LRRC4C: variants seen among roughly 807,000 people sequenced by gnomAD.
The protein encoded by LRRC4C is leucine-rich repeat-containing protein 4C.
A neutral mutation model predicts 33.6 loss-of-function variants in LRRC4C; 5 were observed. The ratio of observed to expected loss-of-function variants is 0.15; its 90% confidence interval spans 0.08 to 0.31. The LOEUF (loss-of-function observed/expected upper bound fraction) is 0.31, where lower values mean the gene tolerates loss of function less well. Among genes scored for constraint, LRRC4C ranks in the 10% least tolerant of loss-of-function variants. LRRC4C has a pLI of 1.00. For missense variants in LRRC4C, 560 were observed against 796.7 expected, an observed-to-expected ratio of 0.70 and a Z score of 3.58; for synonymous variants, 329 against 302.0, an observed-to-expected ratio of 1.09 and a Z score of -0.93.
chr11:40,158,009 A>T (rs1486189415), intron 5 of LRRC4C, among the ~76,000 whole-genome samples: 2 of 152,230 alleles, frequency 1.3e-5, no homozygotes, highest in African/African-American at 4.8e-5. Flanking sequence ...TCATGAAACC[A>T]ACCCAAATGC....
At chr11:40,132,265 A>C (rs1856694855) in intron 6 of LRRC4C, among the ~76,000 whole-genome samples, 1 of 152,192 alleles carries the variant, frequency 6.6e-6, no homozygotes, top group South Asian at 2.1e-4. Flanking sequence ...ACCAAAATCA[A>C]ATTTCTGAGA....
chr11:40,414,713 G>A (rs764922149), intron 3 of LRRC4C, among the ~76,000 whole-genome samples: 1 of 152,014 alleles, frequency 6.6e-6, no homozygotes, highest in Non-Finnish European at 1.5e-5. Flanking sequence ...TGATTCATGT[G>A]AAACTCTATT....
intron 1 of LRRC4C, among the ~76,000 whole-genome samples, chr11:41,428,096 G>C (rs1044237713): frequency 6.6e-6 from 1 of 152,130 alleles, no homozygotes; most frequent in Non-Finnish European, 1.5e-5. Context: ...AAGCCTGTTT[G>C]GTGGTCTCTT....
At position 41,041,077 on chromosome 11, in the gene LRRC4C, T is replaced by C. The variant is rs191295350; in HGVS notation, c.-495-107354A>G. The stretch of plus-strand genomic sequence containing the variant: ...CAAGAGGTCACCTGCAAAAGGATAA[T>C]TTTAACTATGTTTTTAAGAAAGGAG... On this transcript the variant is annotated intron_variant, in intron 1 of 6. Coordinates refer to ENST00000528697, the MANE Select transcript of LRRC4C (RefSeq NM_001258419.2). Among the ~76,000 whole-genome samples, 503 of 152,318 alleles carry C rather than the reference T, an allele frequency of 3.3e-3. 2 individuals are homozygous for C. Among genetic ancestry groups the C allele is most frequent in the African/African-American group, 0.011 (461 of 41,570 alleles).
intron 3 of LRRC4C, among the ~76,000 whole-genome samples, chr11:40,612,337 T>A (rs1317611470): frequency 1.3e-5 from 2 of 151,810 alleles, no homozygotes; most frequent in Non-Finnish European, 2.9e-5. Flanking sequence ...GTAAAGAAAG[T>A]AAATTCATAG....
chr11:40,269,664 C>G (rs573390722), intron 4 of LRRC4C, among the ~76,000 whole-genome samples: 2 of 152,208 alleles, frequency 1.3e-5, no homozygotes, highest in South Asian at 4.1e-4. Flanking sequence ...TTCTGTTTCA[C>G]TATTATATTA....
intron 1 of LRRC4C, among the ~76,000 whole-genome samples, chr11:41,387,193 G>A (rs1263063240): frequency 1.5e-5 from 2 of 131,862 alleles, no homozygotes; most frequent in Non-Finnish European, 3.4e-5. Context: ...TAGGCAATGA[G>A]GAGATGATAA....
At chr11:40,516,957 G>A (rs890984921) in intron 3 of LRRC4C, among the ~76,000 whole-genome samples, 3 of 152,138 alleles carry the variant, frequency 2.0e-5, no homozygotes, top group African/African-American at 2.4e-5. Flanking sequence ...GGGCATTGCC[G>A]CTTATATAGG....
At chr11:41,033,169 A>C (rs2137846395) in intron 1 of LRRC4C, among the ~76,000 whole-genome samples, 1 of 152,078 alleles carries the variant, frequency 6.6e-6, no homozygotes, top group South Asian at 2.1e-4. Flanking sequence ...AGGCTCCTCA[A>C]GGGGAATATT....
intron 4 of LRRC4C, among the ~76,000 whole-genome samples, chr11:40,286,145 A>G (rs999040613): frequency 5.3e-5 from 8 of 152,162 alleles, no homozygotes; most frequent in African/African-American, 1.9e-4. Flanking sequence ...CAAACCCTAC[A>G]TAAACTATCA....
At chr11:40,938,222 A>G (rs1957990586) in intron 1 of LRRC4C, among the ~76,000 whole-genome samples, 1 of 152,154 alleles carries the variant, frequency 6.6e-6, no homozygotes, top group African/African-American at 2.4e-5. Flanking sequence ...CTCCTGATAA[A>G]CAGCTATTCT....
chr11:40,667,248 G>C (rs1565617003), intron 2 of LRRC4C, among the ~76,000 whole-genome samples: 1 of 152,264 alleles, frequency 6.6e-6, no homozygotes, highest in East Asian at 1.9e-4. Flanking sequence ...ATTCTATGAG[G>C]AGCTCAATTA....
chr11:41,358,930 T>C (rs770040128), intron 1 of LRRC4C, among the ~76,000 whole-genome samples: 1 of 152,228 alleles, frequency 6.6e-6, no homozygotes, highest in Non-Finnish European at 1.5e-5. Context: ...TGAATGTTAT[T>C]ATAAACTTTA....
chr11:41,196,567 C>T lies in LRRC4C; in HGVS notation c.-495-262844G>A, dbSNP rs188518123. Among the ~76,000 whole-genome samples the T allele has an allele frequency of 2.7e-3, 409 of 152,084 alleles. 3 individuals carry two copies. The highest frequency in any genetic ancestry group is 9.4e-3 in the African/African-American group (389 of 41,520). ...CTTGATCACTGATAGTTACCAAATACTTATGAAAGATATTAATTTGGGCAG... is the reference window on the plus strand; with the variant it reads ...CTTGATCACTGATAGTTACCAAATATTTATGAAAGATATTAATTTGGGCAG... On this transcript the variant is annotated intron_variant, in intron 1 of 6. Coordinates refer to ENST00000528697, the MANE Select transcript of LRRC4C (RefSeq NM_001258419.2).
At chr11:40,685,506 G>A (rs1262418165) in intron 2 of LRRC4C, among the ~76,000 whole-genome samples, 1 of 151,702 alleles carries the variant, frequency 6.6e-6, no homozygotes, top group African/African-American at 2.4e-5. Flanking sequence ...GAAAATTTAA[G>A]AAAACAACAA....
chr11:40,607,018 A>G (rs1960683768), intron 3 of LRRC4C, among the ~76,000 whole-genome samples: 1 of 152,190 alleles, frequency 6.6e-6, no homozygotes, highest in Non-Finnish European at 1.5e-5. Context: ...TGAATTTCTC[A>G]TCAGAAACTT....
intron 1 of LRRC4C, among the ~76,000 whole-genome samples, chr11:41,056,926 G>A (rs985430373): frequency 6.6e-6 from 1 of 152,156 alleles, no homozygotes; most frequent in African/African-American, 2.4e-5. Context: ...GGACAAGTGG[G>A]AACCCCACCC....
At chr11:41,335,743 C>T (rs1951432620) in intron 1 of LRRC4C, among the ~76,000 whole-genome samples, 1 of 152,122 alleles carries the variant, frequency 6.6e-6, no homozygotes, top group African/African-American at 2.4e-5. Flanking sequence ...GTAAATGAAA[C>T]TTCCCAGATG....
chr11:40,988,819 C>G (rs917234191), intron 1 of LRRC4C, among the ~76,000 whole-genome samples: 1 of 147,202 alleles, frequency 6.8e-6, no homozygotes, highest in Non-Finnish European at 1.5e-5. Flanking sequence ...CGGGTTCATG[C>G]CATTCTCCTG....
Sources: allele counts gnomAD v4.1 joint callset (sites outside exome capture counted in the v4.1 genomes callset), GRCh38; gene constraint gnomAD v4.1.1; transcripts MANE v1.5; gene names NCBI Gene and HGNC (gene_info 2026-07-23, HGNC 2026-07-21).